The following RPS6KC1 variants were observed in gnomAD, a reference collection of about 807,000 sequenced individuals.
RPS6KC1 encodes the protein ribosomal protein S6 kinase C1, also known as inactive ribosomal protein S6 kinase delta-1.
A neutral mutation model predicts 103.8 loss-of-function variants in RPS6KC1; 54 were observed. The observed-to-expected ratio is 0.52, with a 90% CI of 0.42 to 0.65. RPS6KC1 has a LOEUF of 0.65. RPS6KC1 is among the 30% of genes least tolerant of loss of function. The probability of loss-of-function intolerance (pLI) is 0.00; values close to 1 mark genes in which losing one functional copy is unlikely to be tolerated. For synonymous variants in RPS6KC1, 439 were observed against 438.7 expected (o/e 1.00, Z -0.01); for missense variants, 1,151 against 1,253.8 (o/e 0.92, Z 1.24).
At chr1:213,282,312 A>G in the RPS6KC1 span, among the ~76,000 whole-genome samples, 1 of 152,104 alleles carries the variant, frequency 6.6e-6, no homozygotes, top group Admixed American at 6.5e-5. Flanking sequence ...TGTTTTGCAA[A>G]AGTTTCTGTT....
At chr1:213,615,376 A>G in the RPS6KC1 span, among the ~76,000 whole-genome samples, 1 of 152,224 alleles carries the variant, frequency 6.6e-6, no homozygotes, top group East Asian at 1.9e-4. Context: ...TATGTGGATA[A>G]ACAGAAGACA....
At chr1:213,756,940 A>G in the RPS6KC1 span, among the ~76,000 whole-genome samples, 2 of 152,124 alleles carry the variant, frequency 1.3e-5, no homozygotes, top group Admixed American at 6.6e-5. Context: ...TATATCTGTT[A>G]TAGTGATCTG....
chr1:213,629,170 G>T, the RPS6KC1 span, among the ~76,000 whole-genome samples: 1 of 152,108 alleles, frequency 6.6e-6, no homozygotes, highest in African/African-American at 2.4e-5. Context: ...TCTGTCTAAT[G>T]TTGACAGTGG....
intron 10 of RPS6KC1, among the ~76,000 whole-genome samples, chr1:213,232,732 A>T (rs1394581112): frequency 1.3e-5 from 2 of 152,192 alleles, no homozygotes; most frequent in Non-Finnish European, 2.9e-5. Flanking sequence ...TTATGAATAC[A>T]GCCATTGGCA....
intron 5 of RPS6KC1, among the ~76,000 whole-genome samples, chr1:213,128,748 A>G (rs373293473): frequency 2.8e-4 from 42 of 152,312 alleles, no homozygotes; most frequent in African/African-American, 9.6e-4. Flanking sequence ...CTAAAAGCAC[A>G]CTTCTGAGGA....
the RPS6KC1 span, among the ~76,000 whole-genome samples, chr1:213,788,802 T>A: frequency 1.3e-5 from 2 of 152,110 alleles, no homozygotes; most frequent in Non-Finnish European, 2.9e-5. Context: ...AGCTGGACAG[T>A]TGAGGAGAGT....
the RPS6KC1 span, among the ~76,000 whole-genome samples, chr1:213,524,226 G>A: frequency 6.6e-6 from 1 of 152,114 alleles, no homozygotes; most frequent in African/African-American, 2.4e-5. Flanking sequence ...GCAGAACCCA[G>A]GCATGCTGCC....
the RPS6KC1 span, among the ~76,000 whole-genome samples, chr1:213,344,806 A>C: frequency 6.6e-6 from 1 of 152,216 alleles, no homozygotes; most frequent in South Asian, 2.1e-4. Context: ...AAATGCTGGG[A>C]TTACAGGCAT....
downstream of RPS6KC1, among the ~76,000 whole-genome samples, chr1:213,279,705 G>A (rs1452539773): frequency 6.6e-6 from 1 of 152,066 alleles, no homozygotes; most frequent in East Asian, 1.9e-4. Context: ...CTCAAAAAGT[G>A]GTCCCCAATC....
the RPS6KC1 span, among the ~76,000 whole-genome samples, chr1:213,475,207 G>A: frequency 6.6e-6 from 1 of 152,206 alleles, no homozygotes; most frequent in Non-Finnish European, 1.5e-5. Context: ...GAGGTACACA[G>A]TGGTGTCTGA....
chr1:213,267,458 C>T (rs889043156), intron 14 of RPS6KC1, among the ~76,000 whole-genome samples: 6 of 151,858 alleles, frequency 4.0e-5, no homozygotes, highest in African/African-American at 1.4e-4. Context: ...TCTAGAGTTG[C>T]TAAAATATAC....
Position 213,129,709 on chromosome 1 carries a change from G to C in RPS6KC1, c.655G>C (p.Glu219Gln), listed in dbSNP as rs779777949. Residue 219 changes from glutamate (E) to glutamine (Q), a missense_variant, in exon 6 of 15, where the codon GAA becomes CAA. By Grantham distance (29) the Glu-to-Gln change is conservative (BLOSUM62 2). Coordinates refer to ENST00000366960, the MANE Select transcript of RPS6KC1 (RefSeq NM_012424.6). ...SDSEQSKTEEERESRSLFPGS... is the reference protein window; with the variant it reads ...SDSEQSKTEEQRESRSLFPGS... ...CAGTGAACAGAGCAAAACAGAAGAA[G>C]AACGGGAAAGTCGTAGCCTCTTTCC... 5.0e-6 allele frequency: 8 copies of C among 1,614,084 alleles called. No individual in the cohort carries two copies. In the South Asian group the frequency reaches 7.7e-5, roughly 16 times the overall value.
Position 213,242,155 on chromosome 1 carries a change from A to G in RPS6KC1, c.2679A>G (p.Leu893=). The G allele has an allele frequency of 6.2e-7, 1 of 1,613,904 alleles. No homozygotes were observed. Among genetic ancestry groups the G allele is most frequent in the Non-Finnish European group, 8.5e-7 (1 of 1,179,868 alleles). ...HQIFEDLDKK[L]ALASRFYIPE... Reference sequence around the variant, plus strand: ...TTTTTGAGGACCTTGATAAAAAATTAGCACTAGCCTCCAGGTTTTACATCC... The same window carrying G: ...TTTTTGAGGACCTTGATAAAAAATTGGCACTAGCCTCCAGGTTTTACATCC... The change falls in exon 11 of 15, where the codon TTA becomes TTG. Residue 893 remains leucine (L), a synonymous_variant. Transcript: ENST00000366960.
chr1:213,494,870 C>T, the RPS6KC1 span, among the ~76,000 whole-genome samples: 185 of 150,920 alleles, frequency 1.2e-3, 2 homozygotes, highest in Non-Finnish European at 2.3e-3. Context: ...ACATAGACAT[C>T]CTGAAAAAAA....
At chr1:213,115,232 C>T (rs904589371) in intron 4 of RPS6KC1, among the ~76,000 whole-genome samples, 1 of 151,930 alleles carries the variant, frequency 6.6e-6, no homozygotes, top group African/African-American at 2.4e-5. Flanking sequence ...AATTTCAGAT[C>T]CTGTTATTGG....
chr1:213,725,400 G>T, the RPS6KC1 span, among the ~76,000 whole-genome samples: 33,219 of 152,146 alleles, frequency 0.22, 3,887 homozygotes, highest in South Asian at 0.28. Context: ...CATCCTCCCC[G>T]TGCTCTCAGG....
the RPS6KC1 span, among the ~76,000 whole-genome samples, chr1:213,445,917 C>G: frequency 6.6e-6 from 1 of 152,104 alleles, no homozygotes; most frequent in Non-Finnish European, 1.5e-5. Context: ...ACTGAGAAGC[C>G]CTGTGCACCG....
the RPS6KC1 span, among the ~76,000 whole-genome samples, chr1:213,726,887 G>A: frequency 6.6e-6 from 1 of 152,234 alleles, no homozygotes; most frequent in South Asian, 2.1e-4. Context: ...ATGATGTGCT[G>A]CAAATAAACC....
the RPS6KC1 span, among the ~76,000 whole-genome samples, chr1:213,456,787 C>A: frequency 6.6e-6 from 1 of 152,098 alleles, no homozygotes; most frequent in Non-Finnish European, 1.5e-5. Flanking sequence ...TTAATAACTC[C>A]CCTTTGTAAC....
Sources: allele counts gnomAD v4.1 joint callset (sites outside exome capture counted in the v4.1 genomes callset), GRCh38; gene constraint gnomAD v4.1.1; transcripts MANE v1.5; gene names NCBI Gene and HGNC (gene_info 2026-07-23, HGNC 2026-07-21).